ATR: variants seen among roughly 807,000 people sequenced by gnomAD.
The protein encoded by ATR is ATR checkpoint kinase, also known as serine/threonine-protein kinase ATR.
Under a neutral mutation model 305.3 loss-of-function variants are expected in ATR, and 142 were observed. The observed-to-expected ratio is 0.47, with a 90% CI of 0.41 to 0.53. The LOEUF (loss-of-function observed/expected upper bound fraction) is 0.53. Ranked by LOEUF, ATR falls within the 20% of genes least tolerant of loss-of-function variation. The probability of loss-of-function intolerance (pLI) is 0.00; values close to 1 mark genes in which losing one functional copy is unlikely to be tolerated. For synonymous variants in ATR, 1,050 were observed against 1,068.1 expected (o/e 0.98, Z 0.33); for missense variants, 2,135 against 3,133.1 (o/e 0.68, Z 7.60).
Position 142,547,708 on chromosome 3 carries a change from T to C in ATR, c.3357+17A>G, listed in dbSNP as rs1472826491. The C allele has an allele frequency of 6.2e-7, 1 of 1,610,196 alleles. No homozygotes were observed. The highest frequency in any genetic ancestry group is 1.7e-5 in the Admixed American group (1 of 59,976). On this transcript the variant is annotated intron_variant, in intron 16 of 46. Coordinates refer to ENST00000350721, the MANE Select transcript of ATR (RefSeq NM_001184.4). ...AAGAAAAACAAACAAAAAAACCTCA[T>C]AGAACATATTCCTTACCATCAGTTC...
At chr3:142,529,951 A>G (rs1018232110) in intron 21 of ATR, among the ~76,000 whole-genome samples, 3 of 152,128 alleles carry the variant, frequency 2.0e-5, no homozygotes, top group South Asian at 2.1e-4. Context: ...TATGTAGATT[A>G]GGTCTTTTAT....
At chr3:142,450,515 T>C (rs2070765191) in intron 46 of ATR, 1 of 1,605,044 alleles carries the variant, frequency 6.2e-7, no homozygotes, top group African/African-American at 1.3e-5. Flanking sequence ...TGTGAGGCTA[T>C]TTCTCATATC....
intron 1 of ATR, among the ~76,000 whole-genome samples, chr3:142,570,807 G>A (rs2035235269): frequency 6.6e-6 from 1 of 152,180 alleles, no homozygotes; most frequent in Non-Finnish European, 1.5e-5. Context: ...ATTGCAAGGG[G>A]CTGAAAATCT....
At chr3:142,467,060 A>G (rs1459948939) in intron 39 of ATR, among the ~76,000 whole-genome samples, 2 of 152,180 alleles carry the variant, frequency 1.3e-5, no homozygotes, top group East Asian at 3.8e-4. Context: ...AATGGGATTA[A>G]TGGAGATAAT....
chr3:142,524,296 A>G, intron 21 of ATR, 97 bp from the exon 22 acceptor site: 1 of 1,173,466 alleles, frequency 8.5e-7, no homozygotes, highest in Non-Finnish European at 1.2e-6. Context: ...AATATCTAAC[A>G]TAAATATTGA....
intron 36 of ATR, among the ~76,000 whole-genome samples, chr3:142,479,595 T>A (rs1357528217): frequency 2.6e-5 from 4 of 152,284 alleles, no homozygotes; most frequent in Non-Finnish European, 5.9e-5. Flanking sequence ...GGAGTATCTT[T>A]GTGGCGTTCT....
intron 35 of ATR, among the ~76,000 whole-genome samples, chr3:142,489,883 T>C (rs537965390): frequency 6.6e-6 from 1 of 152,218 alleles, no homozygotes; most frequent in Non-Finnish European, 1.5e-5. Flanking sequence ...TTTATTGCAT[T>C]AATAGGTATT....
At position 142,556,570 on chromosome 3, in the gene ATR, G is replaced by C; in HGVS notation, c.1891C>G (p.Gln631Glu). The C allele has an allele frequency of 1.9e-6, 3 of 1,613,884 alleles. No homozygotes were observed. Among genetic ancestry groups the C allele is most frequent in the Non-Finnish European group, 2.5e-6 (3 of 1,179,942 alleles). ...SCRISDSYSPQAQSRCVFLLT... is the reference protein window; with the variant it reads ...SCRISDSYSPEAQSRCVFLLT... ...AGAAACACACATCGTGATTGTGCCT[G>C]TGGTGCTGAAAAAATTAAGTCTATT... is the stretch of plus-strand genomic sequence containing the variant. Residue 631 changes from glutamine to glutamate, a missense_variant, in exon 9 of 47, where the codon CAG (glutamine) becomes GAG (glutamate). Gln to Glu is a conservative substitution (Grantham distance 29, BLOSUM62 2). This residue lies in a region of ATR where 744 missense variants were observed against 873.2 expected (regional missense o/e 0.85). Coordinates refer to ENST00000350721, the MANE Select transcript of ATR (RefSeq NM_001184.4).
Position 142,466,529 on chromosome 3 carries a change from T to A in ATR, c.6692A>T (p.Asp2231Val), listed in dbSNP as rs750933906. ...KLLELCNKPV[D>V]GSSSTLSMST... ...CATGCTTAATGTGGAACTACTTCCA[T>A]CAACCTGAAAAAATAAATAGTGCAT... Residue 2231 changes from aspartate (D) to valine (V), a missense_variant, in exon 40 of 47, where the codon GAT becomes GTT. Asp to Val is a radical substitution (Grantham distance 152, BLOSUM62 -3). Coordinates refer to ENST00000350721, the MANE Select transcript of ATR (RefSeq NM_001184.4). 4 of 1,612,718 alleles carry A rather than the reference T, an allele frequency of 2.5e-6. No individual in the cohort carries two copies. Among genetic ancestry groups the A allele is most frequent in the South Asian group, 1.1e-5 (1 of 90,994 alleles).
In ATR at chr3:142,562,533, A is replaced by C. The variant is rs777402533; in HGVS notation, c.869T>G (p.Leu290Arg). 8 of 1,613,602 alleles carry C rather than the reference A, an allele frequency of 5.0e-6. No homozygotes were observed. Among genetic ancestry groups the C allele is most frequent in the South Asian group, 2.2e-5 (2 of 91,048 alleles). The stretch of plus-strand genomic sequence containing the variant: ...CAGCTTTGATAATGGCTCTTCATAG[A>C]GTTTCAATTGGTCAGTATCCATTTC... ...LVEMDTDQLKLYEEPLSKLIK... is the reference protein window; with the variant it reads ...LVEMDTDQLKRYEEPLSKLIK... Residue 290 changes from leucine to arginine, a missense_variant, in exon 4 of 47, where the codon CTC becomes CGC. Leu to Arg is a moderately radical substitution (Grantham distance 102). Transcript: ENST00000350721.
intron 46 of ATR, chr3:142,450,249 C>T: frequency 1.5e-6 from 1 of 678,866 alleles, no homozygotes; most frequent in Non-Finnish European, 2.7e-6. Flanking sequence ...TTAAAATAAC[C>T]CCTACAACAG....
Position 142,565,995 on chromosome 3 carries a change from T to C in ATR, c.292+126A>G, listed in dbSNP as rs151248667. 513 of 1,266,392 alleles carry C rather than the reference T, an allele frequency of 4.1e-4. 3 individuals are homozygous for C. In the East Asian group the frequency reaches 0.011, roughly 28 times the overall value. 78.4% of individuals were successfully genotyped at this position (1,266,392 alleles called of 1,614,324 possible). A position where few individuals can be genotyped will look rare whatever the true frequency, so the allele number is the denominator to read the frequency against. ...GGAAAAATAACCATTACCATTTTGC[T>C]CCTTCAATTTATAGCAAAGCTGACC... On this transcript the variant is annotated intron_variant, in intron 3 of 46. Transcript: ENST00000350721.
At position 142,539,920 on chromosome 3, in the gene ATR, G is replaced by A. The variant is rs1002372477; in HGVS notation, c.3581+984C>T. Among the ~76,000 whole-genome samples, 6 of 152,104 alleles carry A rather than the reference G, an allele frequency of 3.9e-5. 1 individual carries two copies. Among genetic ancestry groups the A allele is most frequent in the Non-Finnish European group, 8.8e-5 (6 of 68,008 alleles). ...TAAAATCATCAGATGAAAGATTAGT[G>A]GGGAATTTTATAATAAAGGGATTCA... On this transcript the variant is annotated intron_variant, in intron 18 of 46. Transcript: ENST00000350721.
intron 4 of ATR, 66 bp downstream of exon 4, chr3:142,562,166 A>C: frequency 6.7e-7 from 1 of 1,495,708 alleles, no homozygotes; most frequent in East Asian, 2.3e-5. Flanking sequence ...TACATTTTGC[A>C]CATATGTATA....
chr3:142,518,762 T>C (rs2033018859), intron 24 of ATR, among the ~76,000 whole-genome samples: 1 of 152,176 alleles, frequency 6.6e-6, no homozygotes, highest in South Asian at 2.1e-4. Context: ...GTATCTAATA[T>C]GCATGTGTAC....
rs75385276 is a variant in ATR, at chr3:142,490,016, G to A, written c.6078+3116C>T. On this transcript the variant is annotated intron_variant, in intron 35 of 46. Coordinates refer to ENST00000350721, the MANE Select transcript of ATR (RefSeq NM_001184.4). ...TTTCATTTGCTTTTTGGCCATTTGC[G>A]TGTATTCTTTATGAAGTGTCTATCC... 8.9e-3 allele frequency among the ~76,000 whole-genome samples: 1,358 copies of A among 152,114 alleles called. 21 individuals are homozygous for A. The highest frequency in any genetic ancestry group is 0.031 in the African/African-American group (1,283 of 41,516).
intron 36 of ATR, among the ~76,000 whole-genome samples, chr3:142,478,899 C>T (rs1005971272): frequency 6.6e-6 from 1 of 152,088 alleles, no homozygotes; most frequent in Non-Finnish European, 1.5e-5. Flanking sequence ...TTATCAGAGA[C>T]TAGGATTTCA....
chr3:142,476,495 A>T (rs1258365737), intron 36 of ATR, among the ~76,000 whole-genome samples: 1 of 152,174 alleles, frequency 6.6e-6, no homozygotes, highest in Non-Finnish European at 1.5e-5. Context: ...TGGTTACTGT[A>T]GCCTTGTAGT....
In ATR at chr3:142,469,466, A is replaced by G. The variant is rs777873593; in HGVS notation, c.6423T>C (p.Ala2141=). The G allele has an allele frequency of 3.1e-6, 5 of 1,613,790 alleles. No homozygotes were observed. In the South Asian group the frequency reaches 5.5e-5, roughly 18 times the overall value. The part of the protein sequence containing the change: ...NYLAPYQFLT[A]FSQLISRICH... ...AAATTCGAGAGATCAATTGTGAAAA[A>G]GCAGTCAAAAATTGATATGGAGCTA... Residue 2141 remains alanine (A), a synonymous_variant, in exon 38 of 47, where the codon GCT becomes GCC. Transcript: ENST00000350721.
Sources: allele counts gnomAD v4.1 joint callset (sites outside exome capture counted in the v4.1 genomes callset), GRCh38; gene constraint gnomAD v4.1.1; regional missense constraint gnomAD v4.1.1; transcripts MANE v1.5; gene names NCBI Gene and HGNC (gene_info 2026-07-23, HGNC 2026-07-21).